ADGRL3: variants seen among roughly 807,000 people sequenced by gnomAD.
ADGRL3 encodes the protein adhesion G protein-coupled receptor L3.
A neutral mutation model predicts 153.5 loss-of-function variants in ADGRL3; 62 were observed. That is an observed-to-expected ratio of 0.40 (90% CI 0.33 to 0.50). The LOEUF (loss-of-function observed/expected upper bound fraction) is 0.50. ADGRL3 is among the 20% of genes least tolerant of loss of function. The pLI is 0.47. For missense variants in ADGRL3, 1,641 were observed against 1,859.4 expected, an observed-to-expected ratio of 0.88 and a Z score of 2.16; for synonymous variants, 710 against 672.5, an observed-to-expected ratio of 1.06 and a Z score of -0.86.
At chr4:61,306,489 G>A (rs545121402) in intron 1 of ADGRL3, among the ~76,000 whole-genome samples, 1 of 152,244 alleles carries the variant, frequency 6.6e-6, no homozygotes, top group Non-Finnish European at 1.5e-5. Flanking sequence ...GCATTACACT[G>A]AGTAACATGT....
At chr4:61,491,784 T>C (rs1485820767) in intron 2 of ADGRL3, among the ~76,000 whole-genome samples, 2 of 152,170 alleles carry the variant, frequency 1.3e-5, no homozygotes, top group Admixed American at 6.6e-5. Flanking sequence ...TGCCAAATTA[T>C]ACCTTGATAC....
chr4:61,201,508 C>A lies in ADGRL3; in HGVS notation c.-497C>A, dbSNP rs937307067. 5 of 152,242 alleles carry A rather than the reference C, an allele frequency of 3.3e-5. No individual in the cohort carries two copies. Among genetic ancestry groups the A allele is most frequent in the African/African-American group, 1.2e-4 (5 of 41,452 alleles). The allele number at this position is 152,242 out of a possible 1,614,324, so 9.4% of individuals were successfully genotyped here. A position where few individuals can be genotyped will look rare whatever the true frequency, so the allele number is the denominator to read the frequency against. Reference sequence around the variant, plus strand: ...CGAACATTTGGCTCTCTTTTTCCTTCCCCTTTCTCCGTGGCTGTGTAGCGG... The same window carrying A: ...CGAACATTTGGCTCTCTTTTTCCTTACCCTTTCTCCGTGGCTGTGTAGCGG... On this transcript the variant is annotated 5_prime_UTR_variant, in exon 1 of 27. Coordinates refer to ENST00000683033, the MANE Select transcript of ADGRL3 (RefSeq NM_001387552.1).
chr4:61,528,488 A>G (rs554095746), intron 4 of ADGRL3, among the ~76,000 whole-genome samples: 3 of 152,116 alleles, frequency 2.0e-5, no homozygotes, highest in Non-Finnish European at 4.4e-5. Context: ...GGTACTCACA[A>G]TTGTTGAATG....
chr4:62,037,094 A>G (rs975062081), intron 23 of ADGRL3, among the ~76,000 whole-genome samples: 5 of 152,142 alleles, frequency 3.3e-5, no homozygotes, highest in Non-Finnish European at 7.4e-5. Flanking sequence ...TGAAGGACAA[A>G]ATTTACAATC....
At chr4:61,220,112 C>A (rs1436817433) in intron 1 of ADGRL3, among the ~76,000 whole-genome samples, 4 of 135,758 alleles carry the variant, frequency 2.9e-5, no homozygotes, top group African/African-American at 1.1e-4. Context: ...AAATCTGTCT[C>A]AAAAAAAAAA....
rs559028461 is a variant in ADGRL3 at position 61,372,153 on chromosome 4, A to G, written c.-239-10971A>G. Among the ~76,000 whole-genome samples the G allele has an allele frequency of 4.0e-4, 61 of 152,010 alleles. 2 individuals are homozygous for G. The highest frequency in any genetic ancestry group is 1.4e-3 in the African/African-American group (56 of 41,370). On this transcript the variant is annotated intron_variant, in intron 1 of 26. Transcript: ENST00000683033. The stretch of plus-strand genomic sequence containing the variant: ...CTTCTAAATTTTTTTGAAAGTTTTC[A>G]ACTTCTTTTCCTTTGGTTTGAATGT...
At chr4:61,341,494 T>C (rs1390467525) in intron 1 of ADGRL3, among the ~76,000 whole-genome samples, 1 of 151,214 alleles carries the variant, frequency 6.6e-6, no homozygotes, top group East Asian at 1.9e-4. Flanking sequence ...ATATACAGAG[T>C]CATATATGGG....
intron 1 of ADGRL3, among the ~76,000 whole-genome samples, chr4:61,295,804 TAAAAA>T (rs56672796): frequency 2.8e-5 from 4 of 140,864 alleles, no homozygotes; most frequent in African/African-American, 5.2e-5. Context: ...TACACAGATT[TAAAAA>T]AAAAAAAAAG....
intron 4 of ADGRL3, among the ~76,000 whole-genome samples, chr4:61,565,667 A>G (rs1269071459): frequency 6.6e-6 from 1 of 152,034 alleles, no homozygotes; most frequent in Admixed American, 6.6e-5. Flanking sequence ...CCTCCCAAGT[A>G]GCTGGGATTA....
chr4:61,620,204 C>T (rs887819684), intron 5 of ADGRL3, among the ~76,000 whole-genome samples: 4 of 151,898 alleles, frequency 2.6e-5, no homozygotes, highest in Non-Finnish European at 5.9e-5. Context: ...ATTCTGAAAC[C>T]TTTACTAAAA....
chr4:61,346,064 C>A (rs1010907136), intron 1 of ADGRL3, among the ~76,000 whole-genome samples: 4 of 152,012 alleles, frequency 2.6e-5, no homozygotes, highest in African/African-American at 9.7e-5. Flanking sequence ...TAATTAATAG[C>A]TGAAATAGAT....
At chr4:62,026,567 T>A (rs946370470) in intron 21 of ADGRL3, among the ~76,000 whole-genome samples, 2 of 152,102 alleles carry the variant, frequency 1.3e-5, no homozygotes, top group Non-Finnish European at 2.9e-5. Flanking sequence ...ATAAAAAATA[T>A]GTCACCTCAC....
chr4:61,424,746 G>A (rs2097255746), intron 2 of ADGRL3, among the ~76,000 whole-genome samples: 1 of 152,176 alleles, frequency 6.6e-6, no homozygotes, highest in Admixed American at 6.5e-5. Flanking sequence ...TTAACAGGAG[G>A]AGGGTGACTT....
At chr4:61,955,903 A>C (rs942856170) in intron 17 of ADGRL3, among the ~76,000 whole-genome samples, 3 of 152,202 alleles carry the variant, frequency 2.0e-5, no homozygotes, top group Non-Finnish European at 4.4e-5. Flanking sequence ...TTCATGGTGC[A>C]TATGTACCAC....
At chr4:61,301,061 C>G (rs907827472) in intron 1 of ADGRL3, among the ~76,000 whole-genome samples, 1 of 152,100 alleles carries the variant, frequency 6.6e-6, no homozygotes, top group Non-Finnish European at 1.5e-5. Flanking sequence ...CTGCGCCAGT[C>G]CAAGAATGAG....
At chr4:61,853,064 C>G (rs1168400540) in intron 9 of ADGRL3, among the ~76,000 whole-genome samples, 1 of 151,930 alleles carries the variant, frequency 6.6e-6, no homozygotes, top group Non-Finnish European at 1.5e-5. Context: ...GTCACCCAGG[C>G]TGGAGTGCAG....
At chr4:61,875,406 T>G (rs2098469518) in intron 9 of ADGRL3, among the ~76,000 whole-genome samples, 1 of 152,208 alleles carries the variant, frequency 6.6e-6, no homozygotes, top group African/African-American at 2.4e-5. Context: ...AAATAGTTAT[T>G]GAATCTCTCT....
At chr4:61,577,409 G>A (rs1473861460) in intron 4 of ADGRL3, among the ~76,000 whole-genome samples, 1 of 151,880 alleles carries the variant, frequency 6.6e-6, no homozygotes, top group Non-Finnish European at 1.5e-5. Flanking sequence ...AGTTTCTTCT[G>A]TTAAAATCTG....
intron 1 of ADGRL3, among the ~76,000 whole-genome samples, chr4:61,247,392 C>A (rs1341651785): frequency 4.6e-5 from 7 of 152,060 alleles, no homozygotes; most frequent in Non-Finnish European, 7.4e-5. Flanking sequence ...TATAAACATA[C>A]TTAGCTCTTT....
Sources: allele counts gnomAD v4.1 joint callset (sites outside exome capture counted in the v4.1 genomes callset), GRCh38; gene constraint gnomAD v4.1.1; transcripts MANE v1.5; gene names NCBI Gene and HGNC (gene_info 2026-07-23, HGNC 2026-07-21).